Variants in TMEM273 observed in about 807,000 individuals in gnomAD.
The protein encoded by TMEM273 is chromosome 10 open reading frame 128.
In TMEM273, 19 loss-of-function variants were observed where a neutral mutation model predicts 17.9. The ratio of observed to expected loss-of-function variants is 1.06; its 90% CI spans 0.74 to 1.55. TMEM273 has a LOEUF of 1.55. Ranked by LOEUF, TMEM273 falls within the 40% of genes most tolerant of loss-of-function variation. The pLI is 0.00. For missense variants in TMEM273, 194 were observed against 155.6 expected (o/e 1.25, Z -1.31); for synonymous variants, 66 against 62.0 (o/e 1.07, Z -0.31).
chr10:49,178,215 CT>C lies in TMEM273; in HGVS notation c.43+10078del, dbSNP rs780664224. The C allele has an allele frequency of 5.0e-5, 23 of 457,382 alleles. 1 individual carries two copies. Among genetic ancestry groups the C allele is most frequent in the South Asian group, 3.6e-4 (23 of 64,576 alleles). The allele number at this position is 457,382 out of a possible 1,614,324, so 28.3% of individuals were successfully genotyped here. On this transcript the variant is annotated intron_variant, in intron 1 of 6. Coordinates refer to ENST00000374153, the MANE Select transcript of TMEM273 (RefSeq NM_001288740.3). ...CTCATTCTCCCCTCTTGCACAACCC[CT>C]GTAGTCCATGCTGCCCTTGCCCGGG...
At chr10:49,164,363 C>T (rs1051718204) in intron 5 of TMEM273, among the ~76,000 whole-genome samples, 1 of 152,198 alleles carries the variant, frequency 6.6e-6, no homozygotes, top group Non-Finnish European at 1.5e-5. Context: ...CCATTGCCTC[C>T]ACCTGGACTT....
At chr10:49,164,656 T>C (rs537776168) in intron 5 of TMEM273, among the ~76,000 whole-genome samples, 1 of 152,326 alleles carries the variant, frequency 6.6e-6, no homozygotes, top group South Asian at 2.1e-4. Context: ...CACTGCATGT[T>C]TGTCAGCGGC....
intron 1 of TMEM273, among the ~76,000 whole-genome samples, chr10:49,184,503 G>A (rs918245149): frequency 3.9e-5 from 6 of 152,202 alleles, no homozygotes. Flanking sequence ...CTACAGAAAA[G>A]GAGAATGGGC....
chr10:49,168,661 GAAGGAAGGAAGA>G (rs1846350332), intron 1 of TMEM273, among the ~76,000 whole-genome samples: 1 of 131,224 alleles, frequency 7.6e-6, no homozygotes, highest in African/African-American at 2.9e-5. Context: ...TGAATGGAAG[GAAGGAAGGAAGA>G]AAGGAAGGAA....
At chr10:49,169,495 GT>G (rs1432519846) in intron 1 of TMEM273, among the ~76,000 whole-genome samples, 1 of 152,160 alleles carries the variant, frequency 6.6e-6, no homozygotes, top group African/African-American at 2.4e-5. Context: ...TTTTAGACTG[GT>G]AAAGATTCCC....
chr10:49,158,428 T>A (rs760612143), intron 6 of TMEM273, among the ~76,000 whole-genome samples: 4 of 152,218 alleles, frequency 2.6e-5, no homozygotes, highest in Non-Finnish European at 2.9e-5. Context: ...TCCCGCACCA[T>A]GAAAGATTTT....
chr10:49,170,899 C>A (rs1846522659), intron 1 of TMEM273, among the ~76,000 whole-genome samples: 1 of 152,188 alleles, frequency 6.6e-6, no homozygotes, highest in South Asian at 2.1e-4. Flanking sequence ...CCCCTGCAAG[C>A]CTCCAGCACT....
chr10:49,166,763 G>A, intron 3 of TMEM273, 106 bp downstream of exon 3: 1 of 1,521,974 alleles, frequency 6.6e-7, no homozygotes, highest in Non-Finnish European at 9.0e-7. Context: ...ACAGCCTGTT[G>A]GGCTCTGCGC....
At position 49,165,234 on chromosome 10, in the gene TMEM273, G is replaced by A; in HGVS notation, c.319C>T (p.His107Tyr). Residue 107 changes from histidine to tyrosine, a missense_variant, in exon 5 of 7, where the codon CAC becomes TAC. By Grantham distance (83) the His-to-Tyr change is moderately conservative (BLOSUM62 2). Transcript: ENST00000374153. ...LFSFKSLLQC[H>Y]HCIMEGLFKA... is the part of the protein sequence containing the mutation. ...AATAGGCCCTCCATGATGCAGTGGTGACACTGAAGCAGGGATTTGAAGGAA... is the reference window on the plus strand; with the variant it reads ...AATAGGCCCTCCATGATGCAGTGGTAACACTGAAGCAGGGATTTGAAGGAA... 1 of 1,550,560 alleles carries A rather than the reference G, an allele frequency of 6.4e-7. No individual in the cohort carries two copies. Among genetic ancestry groups the A allele is most frequent in the Non-Finnish European group, 8.7e-7 (1 of 1,147,006 alleles).
Position 49,165,438 on chromosome 10 carries a change from A to G in TMEM273, c.270-155T>C, listed in dbSNP as rs569256872. On this transcript the variant is annotated intron_variant, in intron 4 of 6. Transcript: ENST00000374153. ...GGGACAAACCACGTGTGACCTCCCA[A>G]GTGACAGGGGCTGGAGGCCTCATTC... The G allele has an allele frequency of 1.1e-5, 16 of 1,492,658 alleles. No homozygotes were observed. The Admixed American group carries it at 3.5e-4, about 33-fold the overall frequency. The allele number at this position is 1,492,658 out of a possible 1,614,324, so 92.5% of individuals were successfully genotyped here.
rs1283046636 is a variant in TMEM273 at position 49,155,399 on chromosome 10, C to T, written c.*493G>A. The T allele has an allele frequency of 7.9e-5, 14 of 176,246 alleles. No homozygotes were observed. The highest frequency in any genetic ancestry group is 1.4e-4 in the African/African-American group (6 of 41,794). 10.9% of individuals were successfully genotyped at this position (176,246 alleles called of 1,614,324 possible). A position where few individuals can be genotyped will look rare whatever the true frequency, so the allele number is the denominator to read the frequency against. ...CGGAGTCCCCATGTTTCAGGACTCC[C>T]GAATCTTCACATAGTCCATCTTTAA... On this transcript the variant is annotated 3_prime_UTR_variant, in exon 7 of 7. Transcript: ENST00000374153.
intron 1 of TMEM273, among the ~76,000 whole-genome samples, chr10:49,176,485 C>G (rs1359502400): frequency 1.3e-5 from 2 of 152,120 alleles, no homozygotes; most frequent in Non-Finnish European, 2.9e-5. Flanking sequence ...GCAGAGAGAG[C>G]AGGGGAGGCT....
chr10:49,165,396 G>T (rs1398598526), intron 4 of TMEM273, 113 bp from the exon 5 acceptor site: 3 of 1,525,614 alleles, frequency 2.0e-6, no homozygotes, highest in Non-Finnish European at 2.6e-6. Context: ...GATGCCAGCA[G>T]GGAAGCCCAG....
Position 49,171,627 on chromosome 10 carries a change from C to G in TMEM273, c.44-3665G>C, listed in dbSNP as rs539128858. 2.0e-4 allele frequency among the ~76,000 whole-genome samples: 31 copies of G among 152,358 alleles called. 1 individual carries two copies. The South Asian group carries it at 6.2e-3, about 31-fold the overall frequency. The stretch of plus-strand genomic sequence containing the variant: ...CCATTCCCACCTCAGGCCTGCAGCA[C>G]ACAGATTGCTCTGTAAGTGGCTCTC... On this transcript the variant is annotated intron_variant, in intron 1 of 6. Coordinates refer to ENST00000374153, the MANE Select transcript of TMEM273 (RefSeq NM_001288740.3).
chr10:49,159,898 G>A (rs144747801), intron 6 of TMEM273, among the ~76,000 whole-genome samples: 12 of 152,242 alleles, frequency 7.9e-5, no homozygotes, highest in Non-Finnish European at 1.5e-4. Context: ...ACCAAGAAGT[G>A]ACTTGCACTA....
intron 1 of TMEM273, among the ~76,000 whole-genome samples, chr10:49,181,598 T>C (rs2132274826): frequency 6.6e-6 from 1 of 152,214 alleles, no homozygotes; most frequent in African/African-American, 2.4e-5. Flanking sequence ...CAAAATATAT[T>C]CAATAGAGGA....
chr10:49,170,698 C>T (rs1367913349), intron 1 of TMEM273, among the ~76,000 whole-genome samples: 1 of 152,236 alleles, frequency 6.6e-6, no homozygotes, highest in Non-Finnish European at 1.5e-5. Flanking sequence ...GCCCCACAGC[C>T]ACTCAGTGGC....
chr10:49,161,644 T>C (rs1475957372), intron 5 of TMEM273, 22 bp from the exon 6 acceptor site: 4 of 1,614,078 alleles, frequency 2.5e-6, no homozygotes, highest in Non-Finnish European at 3.4e-6. Context: ...GATAAAAGGG[T>C]GTTCATTGCC....
chr10:49,165,364 G>C (rs1366044068), intron 4 of TMEM273, 81 bp from the exon 5 acceptor site: 16 of 1,546,874 alleles, frequency 1.0e-5, no homozygotes, highest in South Asian at 2.4e-5. Context: ...CGTGGGCTCT[G>C]TGCAGAAGAG....
Sources: allele counts gnomAD v4.1 joint callset (sites outside exome capture counted in the v4.1 genomes callset), GRCh38; gene constraint gnomAD v4.1.1; transcripts MANE v1.5; gene names NCBI Gene and HGNC (gene_info 2026-07-23, HGNC 2026-07-21).